The following CSMD3 variants were observed in gnomAD, a reference collection of about 807,000 sequenced individuals.
CSMD3 encodes the protein CUB and sushi domain-containing protein 3.
Under a neutral mutation model 435.2 loss-of-function variants are expected in CSMD3, and 177 were observed. The observed-to-expected ratio is 0.41, with a 90% CI of 0.36 to 0.46. The LOEUF (loss-of-function observed/expected upper bound fraction) is 0.46. Ranked by LOEUF, CSMD3 falls within the 20% of genes least tolerant of loss-of-function variation. The pLI, the probability that CSMD3 is intolerant of heterozygous loss-of-function variation, is 0.34. For synonymous variants in CSMD3, 1,656 were observed against 1,520.5 expected (o/e 1.09, Z -2.07); for missense variants, 4,265 against 4,504.6 (o/e 0.95, Z 1.52).
intron 13 of CSMD3, among the ~76,000 whole-genome samples, chr8:112,764,533 A>G (rs2077926938): frequency 6.6e-6 from 1 of 151,518 alleles, no homozygotes; most frequent in South Asian, 2.1e-4. Context: ...TTTAGGCTCA[A>G]TGGTAAACTT....
intron 4 of CSMD3, among the ~76,000 whole-genome samples, chr8:113,143,748 A>T (rs1350929459): frequency 6.6e-6 from 1 of 151,492 alleles, no homozygotes; most frequent in East Asian, 1.9e-4. Context: ...TTAAAATGAC[A>T]AAATTCTAGA....
At chr8:113,100,327 T>C (rs1182423413) in intron 4 of CSMD3, among the ~76,000 whole-genome samples, 1 of 152,110 alleles carries the variant, frequency 6.6e-6, no homozygotes, top group East Asian at 1.9e-4. Context: ...GGCATACTAC[T>C]ACAAATATTT....
intron 59 of CSMD3, among the ~76,000 whole-genome samples, chr8:112,266,220 C>G (rs973752342): frequency 6.6e-6 from 1 of 152,172 alleles, no homozygotes; most frequent in Non-Finnish European, 1.5e-5. Flanking sequence ...TGACGATCCT[C>G]ACGTTTGCAT....
chr8:112,316,920 A>G (rs1586750456), intron 47 of CSMD3, among the ~76,000 whole-genome samples: 1 of 151,996 alleles, frequency 6.6e-6, no homozygotes, highest in Non-Finnish European at 1.5e-5. Context: ...CTTTTTTAGG[A>G]AAAGTCAAAA....
At chr8:112,548,766 G>C (rs1343925433) in intron 27 of CSMD3, among the ~76,000 whole-genome samples, 2 of 152,056 alleles carry the variant, frequency 1.3e-5, no homozygotes, top group African/African-American at 4.8e-5. Flanking sequence ...CTCTAGCCAA[G>C]AGGTTAATTT....
At chr8:112,703,401 T>C (rs1170948208) in intron 13 of CSMD3, among the ~76,000 whole-genome samples, 1 of 152,196 alleles carries the variant, frequency 6.6e-6, no homozygotes, top group Non-Finnish European at 1.5e-5. Context: ...ATTGGAAATA[T>C]AGGTTTAAAT....
intron 10 of CSMD3, among the ~76,000 whole-genome samples, chr8:112,903,151 CA>C (rs763330055): frequency 4.5e-3 from 243 of 53,762 alleles, no homozygotes; most frequent in African/African-American, 0.014. Flanking sequence ...GCAGTCTTGG[CA>C]AAAAAAAAAA....
At chr8:112,696,499 T>TGCTGG (rs2076259150) in intron 13 of CSMD3, among the ~76,000 whole-genome samples, 1 of 152,052 alleles carries the variant, frequency 6.6e-6, no homozygotes, top group South Asian at 2.1e-4. Flanking sequence ...TAATAAATGG[T>TGCTGG]GCTGGGAAAA....
Position 112,289,383 on chromosome 8 carries a change from A to G in CSMD3, c.9130T>C (p.Ser3044Pro), listed in dbSNP as rs1422683520. The G allele has an allele frequency of 3.1e-6, 5 of 1,613,114 alleles. No individual in the cohort carries two copies. The highest frequency in any genetic ancestry group is 4.2e-6 in the Non-Finnish European group (5 of 1,179,424). ...GTGGTACCTGAACAATGAGGTTGTG[A>G]TCCACTCCAATGGCCATTCAATTGG... ...TCQLNGHWSG[S>P]QPHCSGDATG... The change falls in exon 57 of 71, where the codon TCA becomes CCA. Residue 3044 changes from serine (S) to proline (P), a missense_variant. By Grantham distance (74) the Ser-to-Pro change is moderately conservative. Around this residue, in one of 3 missense-constraint regions of CSMD3, gnomAD observed 3,255 missense variants for 3,380.2 expected, o/e 0.96. Coordinates refer to ENST00000297405, the MANE Select transcript of CSMD3 (RefSeq NM_198123.2).
At chr8:112,304,604 A>G (rs1821243858) in intron 52 of CSMD3, 117 bp downstream of exon 52, 2 of 779,200 alleles carry the variant, frequency 2.6e-6, no homozygotes, top group Non-Finnish European at 2.2e-6. Context: ...AGAATAAATG[A>G]CCATATTAGT....
chr8:112,253,149 T>G (rs1029396319), intron 63 of CSMD3, among the ~76,000 whole-genome samples: 1 of 152,078 alleles, frequency 6.6e-6, no homozygotes. Context: ...GTCACCAACT[T>G]GATCTGCGAA....
intron 5 of CSMD3, among the ~76,000 whole-genome samples, chr8:113,042,745 G>A (rs1041645189): frequency 5.3e-5 from 8 of 152,032 alleles, no homozygotes; most frequent in African/African-American, 1.4e-4. Flanking sequence ...GAGGGGAGCC[G>A]GGAACTTTGG....
Position 112,666,396 on chromosome 8 carries a change from A to C in CSMD3, c.2697T>G (p.Phe899Leu), listed in dbSNP as rs2131708129. 6.2e-7 allele frequency: 1 copy of C among 1,612,670 alleles called. No individual in the cohort carries two copies. Among genetic ancestry groups the C allele is most frequent in the East Asian group, 2.2e-5 (1 of 44,812 alleles). The change falls in exon 17 of 71, where the codon TTT becomes TTG. Residue 899 changes from phenylalanine (F) to leucine (L), a missense_variant. This residue lies in a region of CSMD3 where 279 missense variants were observed against 369.0 expected (regional missense o/e 0.76). Coordinates refer to ENST00000297405, the MANE Select transcript of CSMD3 (RefSeq NM_198123.2). ...AGAGAATCACTCCACTGGGAGCTGA[A>C]AAATGGCCACCACATGGGGCTGAAA... is the stretch of plus-strand genomic sequence containing the variant. ...PKCGAPCGGH[F>L]SAPSGVILSP... is the part of the protein sequence containing the mutation.
In CSMD3 at chr8:112,546,539, G is replaced by A. The variant is rs145601640; in HGVS notation, c.4564+4132C>T. Among the ~76,000 whole-genome samples the A allele has an allele frequency of 3.5e-3, 526 of 152,218 alleles. 3 individuals are homozygous for A. The highest frequency in any genetic ancestry group is 0.012 in the African/African-American group (510 of 41,532). ...TCAGCATTTTGTATTACCCAGCAGG[G>A]GAAGATTCTCAACAGAGAGGTCAAA... On this transcript the variant is annotated intron_variant, in intron 27 of 70. Transcript: ENST00000297405.
At chr8:113,037,486 T>G (rs1186090754) in intron 5 of CSMD3, among the ~76,000 whole-genome samples, 1 of 152,158 alleles carries the variant, frequency 6.6e-6, no homozygotes, top group Non-Finnish European at 1.5e-5. Flanking sequence ...TTTTCCTGTA[T>G]TCATTTCATT....
intron 56 of CSMD3, among the ~76,000 whole-genome samples, chr8:112,289,920 TG>T (rs1431033202): frequency 2.0e-5 from 3 of 152,122 alleles, no homozygotes; most frequent in African/African-American, 7.2e-5. Context: ...AAGATTAATG[TG>T]GATTTGCTAA....
Position 112,223,913 on chromosome 8 carries a change from T to C in CSMD3, c.*858A>G, listed in dbSNP as rs1812353546. On this transcript the variant is annotated 3_prime_UTR_variant, in exon 71 of 71. Transcript: ENST00000297405. The stretch of plus-strand genomic sequence containing the variant: ...GATAACTGCAAAATAATAATTTTTC[T>C]AGATAATTTCTGCCAGCCAAATGGT... 1 of 152,142 alleles carries C rather than the reference T, an allele frequency of 6.6e-6. No homozygotes were observed. Among genetic ancestry groups the C allele is most frequent in the East Asian group, 1.9e-4 (1 of 5,194 alleles). 9.4% of individuals were successfully genotyped at this position (152,142 alleles called of 1,614,324 possible). A position where few individuals can be genotyped will look rare whatever the true frequency, so the allele number is the denominator to read the frequency against.
At chr8:112,313,054 C>T (rs77554162) in intron 49 of CSMD3, among the ~76,000 whole-genome samples, 79 of 152,088 alleles carry the variant, frequency 5.2e-4, no homozygotes, top group Middle Eastern at 3.4e-3. Context: ...TGGTCTCTGA[C>T]GTGATTTAGA....
At chr8:113,113,835 T>A (rs72685840) in intron 4 of CSMD3, among the ~76,000 whole-genome samples, 3,010 of 152,264 alleles carry the variant, frequency 0.02, 37 homozygotes, top group Non-Finnish European at 0.031. Flanking sequence ...ATGAACACAA[T>A]TTTTGGAAAA....
Sources: gnomAD v4.1 joint callset for allele counts (sites outside exome capture counted in the v4.1 genomes callset) on GRCh38, gnomAD v4.1.1 for gene constraint, gnomAD v4.1.1 regional missense constraint, MANE v1.5 for transcripts, NCBI Gene and HGNC (gene_info 2026-07-23, HGNC 2026-07-21) for gene names.